MICU1: variants seen among roughly 807,000 people sequenced by gnomAD.
MICU1 encodes calcium uptake protein 1, mitochondrial.
MICU1 carries 45 observed loss-of-function variants against 56.8 expected under a neutral mutation model. The observed-to-expected ratio is 0.79, with a 90% CI of 0.62 to 1.02. The LOEUF (loss-of-function observed/expected upper bound fraction) is 1.02. Among genes scored for constraint, MICU1 ranks in the 50% least tolerant of loss-of-function variants. The pLI is 0.00. For missense variants in MICU1, 504 were observed against 587.1 expected (o/e 0.86, Z 1.46); for synonymous variants, 186 against 195.1 (o/e 0.95, Z 0.39).
chr10:72,526,986 T>C (rs1011703441), intron 5 of MICU1, among the ~76,000 whole-genome samples: 6 of 151,042 alleles, frequency 4.0e-5, no homozygotes, highest in Non-Finnish European at 7.4e-5. Context: ...GTGGTACTCA[T>C]GGTATATGAA....
At chr10:72,378,587 C>T (rs1862602202) in intron 10 of MICU1, among the ~76,000 whole-genome samples, 1 of 152,094 alleles carries the variant, frequency 6.6e-6, no homozygotes. Context: ...TATAAATTAC[C>T]CAGTCTCAGG....
At chr10:72,380,099 C>A (rs890547731) in intron 10 of MICU1, among the ~76,000 whole-genome samples, 3 of 152,098 alleles carry the variant, frequency 2.0e-5, no homozygotes, top group Non-Finnish European at 4.4e-5. Context: ...ATAATCACAG[C>A]AAGCAGAACA....
At chr10:72,562,435 T>G (rs1201560343) in intron 3 of MICU1, among the ~76,000 whole-genome samples, 1 of 152,206 alleles carries the variant, frequency 6.6e-6, no homozygotes, top group East Asian at 1.9e-4. Context: ...ATTATAGGCA[T>G]GAGCCACCAT....
At chr10:72,482,444 T>C (rs1167236427) in intron 6 of MICU1, among the ~76,000 whole-genome samples, 1 of 152,228 alleles carries the variant, frequency 6.6e-6, no homozygotes, top group Non-Finnish European at 1.5e-5. Flanking sequence ...GTCTGAGTTT[T>C]GAAAAAAACT....
At chr10:72,430,498 T>C (rs961159841) in intron 8 of MICU1, among the ~76,000 whole-genome samples, 2 of 152,180 alleles carry the variant, frequency 1.3e-5, no homozygotes, top group Non-Finnish European at 2.9e-5. Context: ...CCACTTACCC[T>C]GAGAAAGGAA....
chr10:72,592,957 T>A (rs926280559), intron 1 of MICU1, among the ~76,000 whole-genome samples: 1 of 152,026 alleles, frequency 6.6e-6, no homozygotes, highest in Non-Finnish European at 1.5e-5. Context: ...TAATTCCTTT[T>A]GTATTTTTAG....
At chr10:72,476,246 A>AG (rs1356092281) in intron 7 of MICU1, among the ~76,000 whole-genome samples, 5 of 151,338 alleles carry the variant, frequency 3.3e-5, no homozygotes, top group South Asian at 4.2e-4. Context: ...AAAAAAAAAA[A>AG]AGAGACAGGG....
intron 4 of MICU1, among the ~76,000 whole-genome samples, chr10:72,538,862 C>T (rs1431055336): frequency 6.6e-6 from 1 of 151,796 alleles, no homozygotes; most frequent in African/African-American, 2.4e-5. Context: ...AGACTCATTT[C>T]ACCAGTAAGG....
At chr10:72,455,003 A>C (rs904053157) in intron 8 of MICU1, among the ~76,000 whole-genome samples, 1 of 151,990 alleles carries the variant, frequency 6.6e-6, no homozygotes, top group African/African-American at 2.4e-5. Flanking sequence ...ACCTAAGTGA[A>C]TACTTGGAAA....
intron 6 of MICU1, among the ~76,000 whole-genome samples, chr10:72,485,578 G>A (rs1292789399): frequency 1.3e-5 from 2 of 150,730 alleles, no homozygotes; most frequent in Non-Finnish European, 2.9e-5. Context: ...GAAGACTAAA[G>A]TAGAGAGTAT....
intron 5 of MICU1, among the ~76,000 whole-genome samples, chr10:72,524,476 T>G (rs1269507073): frequency 6.6e-6 from 1 of 152,238 alleles, no homozygotes; most frequent in Non-Finnish European, 1.5e-5. Flanking sequence ...TACAACAAAA[T>G]TTCTTAACCT....
In MICU1 at chr10:72,501,432, G is replaced by GTT. The variant is rs35063866; in HGVS notation, c.652+6721_652+6722dup. On this transcript the variant is annotated intron_variant, in intron 6 of 11. Coordinates refer to ENST00000361114, the MANE Select transcript of MICU1 (RefSeq NM_001195518.2). The stretch of plus-strand genomic sequence containing the variant: ...AAGTAGAGTCTTAAGTTTGCTAAAG[G>GTT]TTTTTTTTTTTTAATAAAATGAAAA... 1.3e-3 allele frequency among the ~76,000 whole-genome samples: 184 copies of GTT among 142,296 alleles called. 1 individual carries two copies. Among genetic ancestry groups the GTT allele is most frequent in the African/African-American group, 4.2e-3 (165 of 39,330 alleles). 93.4% of individuals were successfully genotyped at this position (142,296 alleles called of 152,430 possible).
chr10:72,470,962 A>G (rs1029422852), intron 8 of MICU1, among the ~76,000 whole-genome samples: 12 of 152,254 alleles, frequency 7.9e-5, no homozygotes, highest in African/African-American at 2.9e-4. Context: ...TTCTAGAGTA[A>G]GTATCTTAGA....
chr10:72,509,494 T>C (rs1028450027), intron 5 of MICU1: 1 of 1,030,586 alleles, frequency 9.7e-7, no homozygotes, highest in Non-Finnish European at 1.3e-6. Flanking sequence ...GTGAAGTCAG[T>C]TTGTATGATC....
rs184620657 is a variant in MICU1 at position 72,377,213 on chromosome 10, G to A, written c.1181-1341C>T. ...CGGCTCACTGCAACCACTGCCTTCC[G>A]GGTTCAAACAATTCTCCTGCTTCAG... On this transcript the variant is annotated intron_variant, in intron 10 of 11. Coordinates refer to ENST00000361114, the MANE Select transcript of MICU1 (RefSeq NM_001195518.2). 1.1e-3 allele frequency among the ~76,000 whole-genome samples: 161 copies of A among 152,072 alleles called. 1 individual carries two copies. The highest frequency in any genetic ancestry group is 0.01 in the Middle Eastern group (3 of 294).
intron 5 of MICU1, among the ~76,000 whole-genome samples, chr10:72,530,316 G>A (rs1034292): frequency 0.63 from 92,238 of 147,116 alleles, 30,442 homozygotes; most frequent in African/African-American, 0.72. Context: ...CTGGGTGACA[G>A]GAGCGAAACT....
chr10:72,424,372 C>T (rs1232870068), intron 8 of MICU1, among the ~76,000 whole-genome samples: 1 of 152,118 alleles, frequency 6.6e-6, no homozygotes, highest in Non-Finnish European at 1.5e-5. Flanking sequence ...CTCGGCCTCC[C>T]AAAGTGCTGG....
At chr10:72,417,963 C>T (rs543747135) in intron 9 of MICU1, among the ~76,000 whole-genome samples, 1 of 152,256 alleles carries the variant, frequency 6.6e-6, no homozygotes, top group African/African-American at 2.4e-5. Flanking sequence ...CTAGGGACAC[C>T]TCAGGAAACT....
intron 1 of MICU1, among the ~76,000 whole-genome samples, chr10:72,611,680 A>G (rs946386800): frequency 2.0e-5 from 3 of 152,168 alleles, no homozygotes; most frequent in Non-Finnish European, 4.4e-5. Context: ...CGAGAGGTAC[A>G]TGGTCTGCCC....
Sources: allele counts gnomAD v4.1 joint callset (sites outside exome capture counted in the v4.1 genomes callset), GRCh38; gene constraint gnomAD v4.1.1; transcripts MANE v1.5; gene names NCBI Gene and HGNC (gene_info 2026-07-23, HGNC 2026-07-21).